Variants in ADAMTS12 observed in about 807,000 individuals in gnomAD.
ADAMTS12 encodes the protein ADAM metallopeptidase with thrombospondin type 1 motif 12.
In ADAMTS12, 118 loss-of-function variants were observed where a neutral mutation model predicts 167.8. The ratio of observed to expected loss-of-function variants is 0.70; its 90% confidence interval spans 0.61 to 0.82. The LOEUF (loss-of-function observed/expected upper bound fraction) is 0.82, where lower values mean the gene tolerates loss of function less well. Among genes scored for constraint, ADAMTS12 ranks in the 40% least tolerant of loss-of-function variants. ADAMTS12 has a pLI of 0.00. For synonymous variants in ADAMTS12, 704 were observed against 716.9 expected (o/e 0.98, Z 0.29); for missense variants, 1,916 against 1,998.8 (o/e 0.96, Z 0.79).
intron 1 of ADAMTS12, among the ~76,000 whole-genome samples, chr5:33,883,487 C>T (rs1201801273): frequency 6.6e-6 from 1 of 151,756 alleles, no homozygotes; most frequent in Non-Finnish European, 1.5e-5. Context: ...AAGCCCGGAC[C>T]CATTACTTCC....
At chr5:33,838,010 AT>A (rs5867218) in intron 2 of ADAMTS12, among the ~76,000 whole-genome samples, 4 of 150,842 alleles carry the variant, frequency 2.7e-5, no homozygotes, top group Admixed American at 6.6e-5. Context: ...CAGCTCTCAT[AT>A]TTTTTTTTAG....
At chr5:33,828,076 G>T (rs114169014) in intron 2 of ADAMTS12, among the ~76,000 whole-genome samples, 399 of 152,300 alleles carry the variant, frequency 2.6e-3, no homozygotes, top group Non-Finnish European at 4.8e-3. Context: ...TTGGGTCACA[G>T]GACATATGAC....
Position 33,882,239 on chromosome 5 carries a change from C to T in ADAMTS12, c.128-759G>A, listed in dbSNP as rs562661980. Among the ~76,000 whole-genome samples the T allele has an allele frequency of 2.2e-4, 34 of 152,226 alleles. No individual in the cohort carries two copies. The South Asian group carries it at 2.9e-3, about 13-fold the overall frequency. ...AATCATGGAGAACTCATCATATGCACGCTGACAAACCTCATACCAATTACA... is the reference window on the plus strand; with the variant it reads ...AATCATGGAGAACTCATCATATGCATGCTGACAAACCTCATACCAATTACA... On this transcript the variant is annotated intron_variant, in intron 1 of 23. Coordinates refer to ENST00000504830, the MANE Select transcript of ADAMTS12 (RefSeq NM_030955.4).
At chr5:33,847,272 C>A (rs974387133) in intron 2 of ADAMTS12, among the ~76,000 whole-genome samples, 1 of 152,108 alleles carries the variant, frequency 6.6e-6, no homozygotes, top group African/African-American at 2.4e-5. Context: ...AAGGGTAGCA[C>A]CTTCATGCAA....
chr5:33,871,745 A>G (rs73074808), intron 2 of ADAMTS12, among the ~76,000 whole-genome samples: 17,730 of 152,170 alleles, frequency 0.12, 2,049 homozygotes, highest in African/African-American at 0.29. Flanking sequence ...AACTAAGAAA[A>G]AAAGAGAAAG....
At chr5:33,829,477 C>T (rs1748215616) in intron 2 of ADAMTS12, among the ~76,000 whole-genome samples, 1 of 152,140 alleles carries the variant, frequency 6.6e-6, no homozygotes, top group South Asian at 2.1e-4. Flanking sequence ...GACCTTCCCT[C>T]CCCACCTTTC....
intron 2 of ADAMTS12, among the ~76,000 whole-genome samples, chr5:33,868,967 C>T (rs1749931927): frequency 1.3e-5 from 2 of 152,142 alleles, no homozygotes; most frequent in Admixed American, 1.3e-4. Context: ...TAAAAACCCA[C>T]TTTCTGAGGG....
rs2277038 is a variant in ADAMTS12 at position 33,535,907 on chromosome 5, G to A, written c.4447-915C>T. ...GCTGGGGAAGAAGCAGAGCAACAGC[G>A]GACCCAGCTCTGTGCCTAGCTGGAC... On this transcript the variant is annotated intron_variant, in intron 22 of 23. Transcript: ENST00000504830. 1.2e-4 allele frequency among the ~76,000 whole-genome samples: 19 copies of A among 152,126 alleles called. No homozygotes were observed. The East Asian group carries it at 1.7e-3, about 14-fold the overall frequency.
chr5:33,789,421 T>G (rs1746445942), intron 2 of ADAMTS12, among the ~76,000 whole-genome samples: 1 of 152,226 alleles, frequency 6.6e-6, no homozygotes, highest in African/African-American at 2.4e-5. Context: ...CATGCCTCAC[T>G]GCTTAATACA....
At chr5:33,850,006 A>G (rs1054671553) in intron 2 of ADAMTS12, among the ~76,000 whole-genome samples, 1 of 152,086 alleles carries the variant, frequency 6.6e-6, no homozygotes, top group African/African-American at 2.4e-5. Context: ...TTATCTTTTA[A>G]GTTTTGTAGC....
intron 2 of ADAMTS12, among the ~76,000 whole-genome samples, chr5:33,873,875 C>T (rs1475406437): frequency 6.6e-6 from 1 of 152,004 alleles, no homozygotes; most frequent in African/African-American, 2.4e-5. Context: ...ATCCAGACAC[C>T]CTTTGGGAAA....
At chr5:33,775,762 G>A (rs985367918) in intron 2 of ADAMTS12, among the ~76,000 whole-genome samples, 3 of 152,166 alleles carry the variant, frequency 2.0e-5, no homozygotes, top group African/African-American at 7.2e-5. Context: ...GACCCTCCAC[G>A]TGGGGTGCTG....
intron 3 of ADAMTS12, among the ~76,000 whole-genome samples, chr5:33,749,399 A>G (rs1744897848): frequency 6.6e-6 from 1 of 152,164 alleles, no homozygotes; most frequent in Non-Finnish European, 1.5e-5. Context: ...TCTCTGAGAC[A>G]CAACTATCTC....
intron 16 of ADAMTS12, among the ~76,000 whole-genome samples, chr5:33,606,287 T>C (rs1738436528): frequency 6.6e-6 from 1 of 152,200 alleles, no homozygotes; most frequent in African/African-American, 2.4e-5. Context: ...GACATACTAA[T>C]AGGACTATTT....
intron 9 of ADAMTS12, among the ~76,000 whole-genome samples, chr5:33,644,892 G>T (rs1031609352): frequency 6.6e-6 from 1 of 151,986 alleles, no homozygotes; most frequent in African/African-American, 2.4e-5. Context: ...CTCCACGCCC[G>T]GCTAATTTTT....
At chr5:33,860,033 G>A (rs1466362376) in intron 2 of ADAMTS12, among the ~76,000 whole-genome samples, 3 of 152,162 alleles carry the variant, frequency 2.0e-5, no homozygotes, top group Non-Finnish European at 2.9e-5. Context: ...ACCAAAGGTC[G>A]ATAAATCCAC....
At chr5:33,850,284 A>T (rs1749172725) in intron 2 of ADAMTS12, among the ~76,000 whole-genome samples, 1 of 152,146 alleles carries the variant, frequency 6.6e-6, no homozygotes, top group Non-Finnish European at 1.5e-5. Flanking sequence ...ACAATGACTC[A>T]GCAGAAAGTT....
chr5:33,679,744 A>T (rs10057193), intron 5 of ADAMTS12, among the ~76,000 whole-genome samples: 151,822 of 152,350 alleles, frequency 1, 75,652 homozygotes, highest in Middle Eastern at 1. Flanking sequence ...AATCAGGAAA[A>T]GGGACTTGTG....
In ADAMTS12 at chr5:33,637,590, G is replaced by C. The variant is rs989752596; in HGVS notation, c.1875C>G (p.Pro625=). The change falls in exon 12 of 24, where the codon CCC becomes CCG. Residue 625 remains proline, a synonymous_variant. Transcript: ENST00000504830. ...PYKNELYHWF[P]IFNPAHPCEL... is the part of the protein sequence containing the mutation. ...ACAGCTCCTTACCTGGGTTAAAAAT[G>C]GGAAACCAGTGGTAGAGTTCATTCT... 1 of 1,612,966 alleles carries C rather than the reference G, an allele frequency of 6.2e-7. No individual in the cohort carries two copies. Among genetic ancestry groups the C allele is most frequent in the Non-Finnish European group, 8.5e-7 (1 of 1,179,310 alleles).
Sources: allele counts gnomAD v4.1 joint callset (sites outside exome capture counted in the v4.1 genomes callset), GRCh38; gene constraint gnomAD v4.1.1; transcripts MANE v1.5; gene names NCBI Gene and HGNC (gene_info 2026-07-23, HGNC 2026-07-21).